The following RYR1 variants were observed in gnomAD, a reference collection of about 807,000 sequenced individuals.
The protein encoded by RYR1 is central core disease of muscle.
Under a neutral mutation model 583.5 loss-of-function variants are expected in RYR1, and 342 were observed. That is an observed-to-expected ratio of 0.59 (90% confidence interval 0.54 to 0.64). The LOEUF is 0.64. RYR1 is among the 30% of genes least tolerant of loss of function. The probability of loss-of-function intolerance (pLI) is 0.00; values close to 1 mark genes in which losing one functional copy is unlikely to be tolerated. For synonymous variants in RYR1, 2,791 were observed against 2,822.5 expected (o/e 0.99, Z 0.35); for missense variants, 6,032 against 6,917.2 (o/e 0.87, Z 4.54).
chr19:38,446,857 G>A, intron 9 of RYR1, 89 bp downstream of exon 9: 1 of 1,046,338 alleles, frequency 9.6e-7, no homozygotes, highest in Non-Finnish European at 1.4e-6. Flanking sequence ...GGGAAGATCT[G>A]ATAAAGAGAC....
Position 38,571,939 on chromosome 19 carries a change from A to G in RYR1, c.13747-80A>G, listed in dbSNP as rs977361784. 15 of 1,596,830 alleles carry G rather than the reference A, an allele frequency of 9.4e-6. No homozygotes were observed. The African/African-American group carries it at 1.5e-4, about 16-fold the overall frequency. On this transcript the variant is annotated intron_variant, in intron 94 of 105. Coordinates refer to ENST00000359596, the MANE Select transcript of RYR1 (RefSeq NM_000540.3). ...CTGTATCTGGTATGGTCCCAGTCCA[A>G]TCTCGGGAATGGAGGCTCAATTTTG...
chr19:38,462,002 C>T (rs1354010146), intron 20 of RYR1, among the ~76,000 whole-genome samples: 1 of 152,092 alleles, frequency 6.6e-6, no homozygotes, highest in Non-Finnish European at 1.5e-5. Flanking sequence ...TTGCAGTGAG[C>T]CGAGATCGCA....
chr19:38,442,228 G>T, intron 2 of RYR1, 121 bp from the exon 3 acceptor site: 2 of 722,502 alleles, frequency 2.8e-6, no homozygotes, highest in East Asian at 5.2e-5. Flanking sequence ...CTGTGGGGTG[G>T]GGGTGGGGTC....
chr19:38,497,222 G>A (rs942655978), intron 42 of RYR1, among the ~76,000 whole-genome samples: 19 of 151,882 alleles, frequency 1.3e-4, no homozygotes, highest in South Asian at 2.1e-4. Flanking sequence ...GGGCGGATCC[G>A]CACTCTAACT....
In RYR1 at chr19:38,561,587, C is replaced by T. The variant is rs553101267; in HGVS notation, c.12624+133C>T. On this transcript the variant is annotated intron_variant, in intron 90 of 105. Coordinates refer to ENST00000359596, the MANE Select transcript of RYR1 (RefSeq NM_000540.3). The surrounding 1 kb of genome is among the most constrained non-coding windows in gnomAD (Gnocchi z 4.8). ...CTGCCCTGCTCCGGCAAGCCCACGC[C>T]CACCCTTTTGTACACATTTCGTCCA... 128 of 879,438 alleles carry T rather than the reference C, an allele frequency of 1.5e-4. No homozygotes were observed. The South Asian group carries it at 2.1e-3, about 15-fold the overall frequency. 54.5% of individuals were successfully genotyped at this position (879,438 alleles called of 1,614,324 possible).
At position 38,442,421 on chromosome 19, in the gene RYR1, A is replaced by T. The variant is rs966388913; in HGVS notation, c.238A>T (p.Met80Leu). 5 of 1,612,292 alleles carry T rather than the reference A, an allele frequency of 3.1e-6. No homozygotes were observed. The African/African-American group carries it at 6.7e-5, about 22-fold the overall frequency. The change falls in exon 3 of 106, where the codon ATG (methionine) becomes TTG (leucine). Residue 80 changes from methionine to leucine, a missense_variant. Around this residue, in one of 11 missense-constraint regions of RYR1, gnomAD observed 338 missense variants for 441.6 expected, o/e 0.77. Coordinates refer to ENST00000359596, the MANE Select transcript of RYR1 (RefSeq NM_000540.3). ...QSLSVRALQE[M>L]LANTVEAGVE... ...CCTGTCTGTGCGAGCCCTGCAGGAG[A>T]TGCTGGCTAACACGGTGGAGGCTGG...
Position 38,572,084 on chromosome 19 carries a change from A to G in RYR1, c.13812A>G (p.Ala4604=). The part of the protein sequence containing the change: ...EGSAAGDVSG[A]GSGGSSGWGL... ...CAGCTGCTGGGGATGTGTCAGGTGC[A>G]GGCTCTGGTGGCAGCTCTGGCTGGG... Residue 4604 remains alanine, a synonymous_variant, in exon 95 of 106, where the codon GCA becomes GCG. Transcript: ENST00000359596. The G allele has an allele frequency of 6.2e-7, 1 of 1,614,178 alleles. No individual in the cohort carries two copies. Among genetic ancestry groups the G allele is most frequent in the Non-Finnish European group, 8.5e-7 (1 of 1,180,032 alleles).
intron 98 of RYR1, 44 bp downstream of exon 98, chr19:38,578,092 A>G (rs771616830): frequency 1.2e-6 from 2 of 1,613,402 alleles, no homozygotes; most frequent in Non-Finnish European, 1.7e-6. Context: ...CATGCAGGGG[A>G]GGTGACTGGA....
At chr19:38,523,765 C>A (rs909169606) in intron 69 of RYR1, 150 bp from the exon 70 acceptor site, 6 of 991,920 alleles carry the variant, frequency 6.0e-6, no homozygotes, top group Middle Eastern at 4.1e-4. Flanking sequence ...CGACCCCCCA[C>A]CCCGAGCCAA....
In RYR1 at chr19:38,483,408, A is replaced by G. The variant is rs1386628125; in HGVS notation, c.4826A>G (p.Asn1609Ser). ...CCAGTGTCCTGGAGCCGCATGCCCA[A>G]CCACTTCCTGCAGGTGGAGACGAGG... ...LMPVSWSRMP[N>S]HFLQVETRRA... Residue 1609 changes from asparagine (N) to serine (S), a missense_variant, in exon 33 of 106, where the codon AAC (asparagine) becomes AGC (serine). This residue lies in a region of RYR1 where 2,627 missense variants were observed against 2,961.3 expected (regional missense o/e 0.89). Coordinates refer to ENST00000359596, the MANE Select transcript of RYR1 (RefSeq NM_000540.3). The surrounding 1 kb of genome is among the most constrained non-coding windows in gnomAD (Gnocchi z 6.3). 6.4e-7 allele frequency: 1 copy of G among 1,574,730 alleles called. No homozygotes were observed. The highest frequency in any genetic ancestry group is 1.9e-5 in the Admixed American group (1 of 53,802).
chr19:38,535,279 A>C, intron 80 of RYR1, 37 bp from the exon 81 acceptor site: 1 of 1,612,824 alleles, frequency 6.2e-7, no homozygotes, highest in Non-Finnish European at 8.5e-7. Context: ...TTCCTGTGTG[A>C]CTCCCAGTTT....
chr19:38,546,333 A>T (rs1972422417), intron 87 of RYR1, 112 bp from the exon 88 acceptor site: 2 of 828,856 alleles, frequency 2.4e-6, no homozygotes. Flanking sequence ...CCTCGGAGGT[A>T]AGAGGGGAGA....
chr19:38,585,234 A>C (rs1599674892), intron 102 of RYR1, 135 bp downstream of exon 102: 1 of 1,061,758 alleles, frequency 9.4e-7, no homozygotes. Context: ...TGGGCAAGTC[A>C]CCTCTCGGGG....
At chr19:38,476,824 G>A (rs1968757532) in intron 29 of RYR1, among the ~76,000 whole-genome samples, 2 of 152,092 alleles carry the variant, frequency 1.3e-5, no homozygotes, top group Admixed American at 6.6e-5. Context: ...TAGAATGGGG[G>A]TAAAAATTAT....
At chr19:38,494,039 C>T (rs1969683259) in intron 38 of RYR1, among the ~76,000 whole-genome samples, 1 of 152,104 alleles carries the variant, frequency 6.6e-6, no homozygotes, top group Non-Finnish European at 1.5e-5. Context: ...CACAGTGGCT[C>T]ACACCTATAA....
In RYR1 at chr19:38,561,370, C is replaced by G. The variant is rs1285625012; in HGVS notation, c.12540C>G (p.Ile4180Met). ...ACTTCCGCCCCTACCTGGGCCGCAT[C>G]GAGATCATGGGCGCGTCACGCCGCA... ...LEYFRPYLGR[I>M]EIMGASRRIE... is the part of the protein sequence containing the mutation. The change falls in exon 90 of 106, where the codon ATC becomes ATG. Residue 4180 changes from isoleucine to methionine, a missense_variant. Ile to Met is a conservative substitution (Grantham distance 10, BLOSUM62 1). Around this residue, in one of 11 missense-constraint regions of RYR1, gnomAD observed 753 missense variants for 759.6 expected, o/e 0.99. Transcript: ENST00000359596. The surrounding 1 kb of genome is among the most constrained non-coding windows in gnomAD (Gnocchi z 4.8). 2 of 1,613,662 alleles carry G rather than the reference C, an allele frequency of 1.2e-6. No individual in the cohort carries two copies. Among genetic ancestry groups the G allele is most frequent in the South Asian group, 2.2e-5 (2 of 91,086 alleles).
chr19:38,473,261 A>C lies in RYR1; in HGVS notation c.3766-116A>C, dbSNP rs893651953. 8.4e-6 allele frequency: 11 copies of C among 1,316,304 alleles called. No homozygotes were observed. In the African/African-American group the frequency reaches 1.6e-4, roughly 19 times the overall value. 81.5% of individuals were successfully genotyped at this position (1,316,304 alleles called of 1,614,324 possible). Reference sequence around the variant, plus strand: ...TGCAGGAGTGGGGGGCCCTTGACTAATTCCCATGCAGGTGCACTATGGCCT... The same window carrying C: ...TGCAGGAGTGGGGGGCCCTTGACTACTTCCCATGCAGGTGCACTATGGCCT... On this transcript the variant is annotated intron_variant, in intron 27 of 105. Transcript: ENST00000359596.
intron 60 of RYR1, 48 bp downstream of exon 60, chr19:38,510,829 G>A (rs769127458): frequency 2.5e-6 from 4 of 1,612,158 alleles, no homozygotes; most frequent in Non-Finnish European, 3.4e-6. Flanking sequence ...TCACAGGATT[G>A]TAATCCTTTG....
rs769902566 is a variant in RYR1 at position 38,466,156 on chromosome 19, C to T, written c.2936C>T (p.Ala979Val). Reference protein sequence around the residue: ...LDLSHVRLTPAQTTLVDRLAE... With the variant: ...LDLSHVRLTPVQTTLVDRLAE... ...CTGAGCCACGTGCGGCTGACGCCGGCGCAGACGACACTGGTGGACCGTCTG... is the reference window on the plus strand; with the variant it reads ...CTGAGCCACGTGCGGCTGACGCCGGTGCAGACGACACTGGTGGACCGTCTG... The change falls in exon 24 of 106, where the codon GCG (alanine) becomes GTG (valine). Residue 979 changes from alanine (A) to valine (V), a missense_variant. Around this residue, in one of 11 missense-constraint regions of RYR1, gnomAD observed 2,627 missense variants for 2,961.3 expected, o/e 0.89. Transcript: ENST00000359596. The T allele has an allele frequency of 5.6e-6, 9 of 1,613,348 alleles. No homozygotes were observed. Among genetic ancestry groups the T allele is most frequent in the South Asian group, 4.4e-5 (4 of 91,036 alleles).
Sources: gnomAD v4.1 joint callset for allele counts (sites outside exome capture counted in the v4.1 genomes callset) on GRCh38, gnomAD v4.1.1 for gene constraint, gnomAD v4.1.1 regional missense constraint, Gnocchi (gnomAD v3.1) non-coding constraint, MANE v1.5 for transcripts, NCBI Gene and HGNC (gene_info 2026-07-23, HGNC 2026-07-21) for gene names.